Variants in IREB2 observed in about 807,000 individuals in gnomAD.
IREB2 encodes the protein iron-responsive element-binding protein 2.
A neutral mutation model predicts 118.8 loss-of-function variants in IREB2; 39 were observed. The ratio of observed to expected loss-of-function variants is 0.33; its 90% CI spans 0.25 to 0.43. IREB2 has a LOEUF of 0.43. IREB2 is among the 20% of genes least tolerant of loss of function. The pLI, the probability that IREB2 is intolerant of heterozygous loss-of-function variation, is 1.00. For synonymous variants in IREB2, 372 were observed against 392.2 expected (o/e 0.95, Z 0.61); for missense variants, 900 against 1,147.3 (o/e 0.78, Z 3.11).
chr15:78,439,934 G>A, intron 2 of IREB2, 53 bp downstream of exon 2: 2 of 1,104,542 alleles, frequency 1.8e-6, no homozygotes, highest in Non-Finnish European at 1.4e-6. Flanking sequence ...TAATGAAAAT[G>A]CATTTGTCAA....
chr15:78,441,034 C>T (rs1305360145), intron 2 of IREB2, among the ~76,000 whole-genome samples: 1 of 152,166 alleles, frequency 6.6e-6, no homozygotes, highest in Non-Finnish European at 1.5e-5. Flanking sequence ...ACATCTGTTG[C>T]AGTCAGTTTT....
chr15:78,490,579 T>G, intron 17 of IREB2, 40 bp from the exon 18 acceptor site: 1 of 1,609,764 alleles, frequency 6.2e-7, no homozygotes, highest in Non-Finnish European at 8.5e-7. Context: ...AACTAAGAAG[T>G]CTTGTAAAGA....
At chr15:78,485,638 A>T in intron 12 of IREB2, 67 bp from the exon 13 acceptor site, 1 of 1,466,110 alleles carries the variant, frequency 6.8e-7, no homozygotes. Flanking sequence ...CTCACTTTTT[A>T]CTTTAATATG....
At chr15:78,497,776 C>T (rs747530646) in intron 21 of IREB2, among the ~76,000 whole-genome samples, 4 of 152,190 alleles carry the variant, frequency 2.6e-5, no homozygotes, top group Non-Finnish European at 4.4e-5. Context: ...GTGAGTATAA[C>T]TTCCCCAATT....
chr15:78,452,755 T>C (rs2051046738), intron 2 of IREB2, among the ~76,000 whole-genome samples: 2 of 151,944 alleles, frequency 1.3e-5, no homozygotes, highest in African/African-American at 2.4e-5. Flanking sequence ...TTTAAAAAAA[T>C]GAAAAAGAAC....
rs918738992 is a variant in IREB2 at position 78,482,175 on chromosome 15, A to G, written c.1297-1143A>G. On this transcript the variant is annotated intron_variant, in intron 10 of 21. Coordinates refer to ENST00000258886, the MANE Select transcript of IREB2 (RefSeq NM_004136.4). ...AGCCCAGGAGGTTGAGGCTGCATTT[A>G]GTCCTGACTGTGCCACTGCGCTCCA... Among the ~76,000 whole-genome samples, 7 of 152,122 alleles carry G rather than the reference A, an allele frequency of 4.6e-5. 1 individual carries two copies. Among genetic ancestry groups the G allele is most frequent in the African/African-American group, 1.7e-4 (7 of 41,416 alleles).
intron 6 of IREB2, among the ~76,000 whole-genome samples, chr15:78,471,384 A>G (rs867733822): frequency 1.3e-5 from 2 of 152,214 alleles, no homozygotes; most frequent in African/African-American, 4.8e-5. Context: ...TGGAAACCCT[A>G]TTGTGTAGAG....
In IREB2 at chr15:78,439,854, G is replaced by C. The variant is rs777852733; in HGVS notation, c.79G>C (p.Asp27His). The change falls in exon 2 of 22, where the codon GAT becomes CAT. Residue 27 changes from aspartate to histidine, a missense_variant. Asp to His is a moderately conservative substitution (Grantham distance 81). Transcript: ENST00000258886. ...TGACAGTTCACATAAGAAGTTCTTC[G>C]ATGTATCTAAACTTGGCACCAAGTA... is the stretch of plus-strand genomic sequence containing the variant. Reference protein sequence around the residue: ...LNDSSHKKFFDVSKLGTKYDV... With the variant: ...LNDSSHKKFFHVSKLGTKYDV... The C allele has an allele frequency of 1.2e-6, 2 of 1,602,654 alleles. No homozygotes were observed. The highest frequency in any genetic ancestry group is 2.2e-5 in the East Asian group (1 of 44,530).
At chr15:78,471,115 G>A (rs2051369850) in intron 6 of IREB2, among the ~76,000 whole-genome samples, 1 of 151,422 alleles carries the variant, frequency 6.6e-6, no homozygotes, top group Admixed American at 6.6e-5. Context: ...GGGTTCAAGC[G>A]ATTCTTGTGC....
intron 2 of IREB2, among the ~76,000 whole-genome samples, chr15:78,462,019 T>A (rs138545661): frequency 6.6e-6 from 1 of 152,342 alleles, no homozygotes; most frequent in African/African-American, 2.4e-5. Flanking sequence ...TGCATGCTAA[T>A]ATATTTTTAA....
At chr15:78,455,083 G>T (rs539597913) in intron 2 of IREB2, among the ~76,000 whole-genome samples, 1 of 152,290 alleles carries the variant, frequency 6.6e-6, no homozygotes, top group East Asian at 1.9e-4. Context: ...AAAAGAACAG[G>T]ATTGGTGTTT....
intron 8 of IREB2, chr15:78,475,746 GGA>G (rs1217409413): frequency 1.6e-4 from 24 of 152,608 alleles, no homozygotes; most frequent in African/African-American, 5.5e-4. Context: ...CAGCTACTCT[GGA>G]GGCTAAGGTG....
At chr15:78,471,151 A>G (rs1303378609) in intron 6 of IREB2, among the ~76,000 whole-genome samples, 1 of 151,516 alleles carries the variant, frequency 6.6e-6, no homozygotes, top group African/African-American at 2.4e-5. Flanking sequence ...AGCTGGGATT[A>G]CAGATGTGCA....
At chr15:78,486,903 T>C (rs1178395520) in intron 13 of IREB2, among the ~76,000 whole-genome samples, 2 of 152,148 alleles carry the variant, frequency 1.3e-5, no homozygotes, top group African/African-American at 4.8e-5. Context: ...CTTGTTCCCT[T>C]AAGTGATCGG....
At chr15:78,456,556 C>T (rs2051108780) in intron 2 of IREB2, among the ~76,000 whole-genome samples, 1 of 151,580 alleles carries the variant, frequency 6.6e-6, no homozygotes, top group South Asian at 2.1e-4. Flanking sequence ...AGCTCAGCTA[C>T]TCTGGAGGCT....
At chr15:78,474,392 T>TTCAA (rs899814246) in intron 8 of IREB2, 18 of 152,342 alleles carry the variant, frequency 1.2e-4, no homozygotes, top group African/African-American at 3.8e-4. Flanking sequence ...AAATTATTGA[T>TTCAA]TCAACGTATG....
intron 2 of IREB2, among the ~76,000 whole-genome samples, chr15:78,457,156 T>G (rs554331138): frequency 1.3e-5 from 2 of 152,344 alleles, no homozygotes; most frequent in Admixed American, 6.5e-5. Context: ...TATGTCCTTA[T>G]GAATAAATCA....
chr15:78,487,718 T>C lies in IREB2; in HGVS notation c.1710-15T>C, dbSNP rs200771293. 2.0e-6 allele frequency: 3 copies of C among 1,487,146 alleles called. No homozygotes were observed. The highest frequency in any genetic ancestry group is 1.4e-5 in the African/African-American group (1 of 72,704). 92.1% of individuals were successfully genotyped at this position (1,487,146 alleles called of 1,614,324 possible). ...TTGTGATGTGCTATTCAGTCACTTTTTTTTTGAAATGCAGATTTGAAATCG... is the reference window on the plus strand; with the variant it reads ...TTGTGATGTGCTATTCAGTCACTTTCTTTTTGAAATGCAGATTTGAAATCG... On this transcript the variant is annotated splice_polypyrimidine_tract_variant and intron_variant, in intron 13 of 21. Coordinates refer to ENST00000258886, the MANE Select transcript of IREB2 (RefSeq NM_004136.4).
At chr15:78,471,675 C>T in intron 6 of IREB2, 66 bp from the exon 7 acceptor site, 1 of 943,854 alleles carries the variant, frequency 1.1e-6, no homozygotes, top group Non-Finnish European at 1.5e-6. Flanking sequence ...GTTAATATTA[C>T]ACCTTGATTG....
Sources: gnomAD v4.1 joint callset for allele counts (sites outside exome capture counted in the v4.1 genomes callset) on GRCh38, gnomAD v4.1.1 for gene constraint, MANE v1.5 for transcripts, NCBI Gene and HGNC (gene_info 2026-07-23, HGNC 2026-07-21) for gene names.